GALNTL6: variants seen among roughly 807,000 people sequenced by gnomAD.
GALNTL6 encodes polypeptide N-acetylgalactosaminyltransferase like 6, also known as polypeptide N-acetylgalactosaminyltransferase-like 6.
GALNTL6 carries 46 observed loss-of-function variants against 73.7 expected under a neutral mutation model. The observed-to-expected ratio is 0.62, with a 90% confidence interval of 0.49 to 0.80. The LOEUF (loss-of-function observed/expected upper bound fraction) is 0.80. Ranked by LOEUF, GALNTL6 falls within the 30% of genes least tolerant of loss-of-function variation. The probability of loss-of-function intolerance (pLI) is 0.00; values close to 1 mark genes in which losing one functional copy is unlikely to be tolerated. For synonymous variants in GALNTL6, 259 were observed against 263.7 expected (o/e 0.98, Z 0.17); for missense variants, 604 against 755.0 (o/e 0.80, Z 2.34).
intron 6 of GALNTL6, among the ~76,000 whole-genome samples, chr4:172,813,039 T>C (rs1376138645): frequency 1.3e-5 from 2 of 152,192 alleles, no homozygotes; most frequent in African/African-American, 4.8e-5. Flanking sequence ...AAGAATTCTA[T>C]GTATGATCTG....
At chr4:172,944,428 C>T (rs1001606115) in intron 9 of GALNTL6, among the ~76,000 whole-genome samples, 1 of 152,214 alleles carries the variant, frequency 6.6e-6, no homozygotes, top group Non-Finnish European at 1.5e-5. Context: ...GATGCTACTG[C>T]ATGCTTTTAT....
chr4:172,764,177 C>G (rs566925187), intron 5 of GALNTL6, among the ~76,000 whole-genome samples: 1 of 152,318 alleles, frequency 6.6e-6, no homozygotes, highest in South Asian at 2.1e-4. Context: ...AGGCTGGTCT[C>G]AAACTCCCGA....
At chr4:172,870,562 C>G (rs1427523071) in intron 7 of GALNTL6, among the ~76,000 whole-genome samples, 1 of 152,134 alleles carries the variant, frequency 6.6e-6, no homozygotes, top group Non-Finnish European at 1.5e-5. Flanking sequence ...TCTCTTTGGT[C>G]TCTTTTATGA....
chr4:172,358,924 C>G (rs534151321), intron 5 of GALNTL6, among the ~76,000 whole-genome samples: 2 of 145,076 alleles, frequency 1.4e-5, no homozygotes, highest in Non-Finnish European at 3.0e-5. Context: ...CACTTATACA[C>G]TATTGGTAGG....
chr4:172,237,514 A>G (rs1335151430), intron 3 of GALNTL6, among the ~76,000 whole-genome samples: 4 of 152,090 alleles, frequency 2.6e-5, no homozygotes, highest in African/African-American at 4.8e-5. Context: ...ATAGTTTACA[A>G]ATATTTTCTC....
At chr4:172,292,978 G>C (rs1272182620) in intron 3 of GALNTL6, among the ~76,000 whole-genome samples, 1 of 152,118 alleles carries the variant, frequency 6.6e-6, no homozygotes, top group African/African-American at 2.4e-5. Flanking sequence ...GAGGGAGAAA[G>C]AATGTTTATA....
chr4:172,370,560 G>T (rs891978335), intron 5 of GALNTL6, among the ~76,000 whole-genome samples: 2 of 144,678 alleles, frequency 1.4e-5, no homozygotes, highest in African/African-American at 5.2e-5. Flanking sequence ...GAACCCAGGA[G>T]TCAGAGCTTG....
At chr4:172,984,642 C>T (rs1279989943) in intron 10 of GALNTL6, among the ~76,000 whole-genome samples, 3 of 152,144 alleles carry the variant, frequency 2.0e-5, no homozygotes, top group Non-Finnish European at 4.4e-5. Context: ...ACGGCAAAGC[C>T]TGGGAAACTT....
At chr4:172,810,446 C>T (rs545432312) in intron 6 of GALNTL6, among the ~76,000 whole-genome samples, 1 of 152,288 alleles carries the variant, frequency 6.6e-6, no homozygotes, top group South Asian at 2.1e-4. Flanking sequence ...TTTGCTAAAT[C>T]AACTTTTATT....
intron 2 of GALNTL6, among the ~76,000 whole-genome samples, chr4:171,958,340 T>A (rs953631206): frequency 2.6e-5 from 4 of 152,206 alleles, no homozygotes; most frequent in Non-Finnish European, 5.9e-5. Context: ...AGTCTTTTTC[T>A]ATATTAAAAC....
At chr4:172,365,628 T>C (rs1742528528) in intron 5 of GALNTL6, among the ~76,000 whole-genome samples, 1 of 152,020 alleles carries the variant, frequency 6.6e-6, no homozygotes, top group Admixed American at 6.6e-5. Context: ...GACCTCAGCT[T>C]CAAGCCTTGC....
intron 3 of GALNTL6, among the ~76,000 whole-genome samples, chr4:172,284,617 T>C (rs1739184608): frequency 6.6e-6 from 1 of 152,214 alleles, no homozygotes; most frequent in Non-Finnish European, 1.5e-5. Flanking sequence ...TTTGTATTTT[T>C]AGGTCTTACA....
chr4:171,960,002 T>C (rs2111045434), intron 2 of GALNTL6, among the ~76,000 whole-genome samples: 1 of 152,286 alleles, frequency 6.6e-6, no homozygotes, highest in Admixed American at 6.5e-5. Flanking sequence ...ATCTGAACAA[T>C]TTAGTTGTCT....
intron 5 of GALNTL6, among the ~76,000 whole-genome samples, chr4:172,610,140 A>G (rs1292305849): frequency 6.6e-6 from 1 of 151,958 alleles, no homozygotes; most frequent in African/African-American, 2.4e-5. Context: ...TCAAAAAACC[A>G]ACTTCTGAGT....
At chr4:172,593,464 A>G (rs963274097) in intron 5 of GALNTL6, among the ~76,000 whole-genome samples, 1 of 152,210 alleles carries the variant, frequency 6.6e-6, no homozygotes, top group Non-Finnish European at 1.5e-5. Flanking sequence ...ATCATCGGTA[A>G]TGCTGCCTAA....
intron 2 of GALNTL6, among the ~76,000 whole-genome samples, chr4:171,986,924 A>T (rs1203248616): frequency 6.6e-6 from 1 of 152,176 alleles, no homozygotes; most frequent in Non-Finnish European, 1.5e-5. Flanking sequence ...ATCAGCTGTG[A>T]TGGCTTGCAG....
chr4:172,348,474 T>C (rs1397574908), intron 4 of GALNTL6, 49 bp from the exon 5 acceptor site: 2 of 1,434,750 alleles, frequency 1.4e-6, no homozygotes, highest in African/African-American at 2.8e-5. Context: ...GAATAAGATA[T>C]ACAAGAGTTT....
At chr4:172,495,643 G>A (rs568342365) in intron 5 of GALNTL6, among the ~76,000 whole-genome samples, 2 of 152,282 alleles carry the variant, frequency 1.3e-5, no homozygotes, top group South Asian at 4.1e-4. Context: ...TCTAAAGGTG[G>A]AGGAGGGATG....
intron 2 of GALNTL6, among the ~76,000 whole-genome samples, chr4:171,855,207 T>C (rs1735654340): frequency 6.6e-6 from 1 of 152,200 alleles, no homozygotes; most frequent in Admixed American, 6.5e-5. Flanking sequence ...ATGGCACATA[T>C]TCACCCGTAC....
Sources: allele counts gnomAD v4.1 joint callset (sites outside exome capture counted in the v4.1 genomes callset), GRCh38; gene constraint gnomAD v4.1.1; transcripts MANE v1.5; gene names NCBI Gene and HGNC (gene_info 2026-07-23, HGNC 2026-07-21).